Variants in GRK7 observed in about 807,000 individuals in gnomAD.
GRK7 encodes rhodopsin kinase GRK7.
In GRK7, 24 loss-of-function variants were observed where a neutral mutation model predicts 34.1. The observed-to-expected ratio is 0.70, with a 90% CI of 0.51 to 0.99. GRK7 has a LOEUF of 0.99. Ranked by LOEUF, GRK7 falls within the 50% of genes least tolerant of loss-of-function variation. GRK7 has a pLI of 0.00. For missense variants in GRK7, 644 were observed against 707.3 expected (o/e 0.91, Z 1.02); for synonymous variants, 256 against 279.4 (o/e 0.92, Z 0.84).
intron 1 of GRK7, among the ~76,000 whole-genome samples, chr3:141,770,320 A>C (rs772427309): frequency 6.6e-6 from 1 of 152,210 alleles, no homozygotes; most frequent in Non-Finnish European, 1.5e-5. Flanking sequence ...ATAATCACAG[A>C]GTTTATAAAA....
upstream of GRK7, among the ~76,000 whole-genome samples, chr3:141,763,289 A>G (rs1198985150): frequency 1.3e-5 from 2 of 151,202 alleles, no homozygotes; most frequent in South Asian, 2.1e-4. Context: ...TTGTGAGGGC[A>G]TAAGGCACCT....
At chr3:141,757,141 TTTTTTC>T in the GRK7 span, among the ~76,000 whole-genome samples, 1 of 126,328 alleles carries the variant, frequency 7.9e-6, no homozygotes. Flanking sequence ...TTTTTTTTTT[TTTTTTC>T]TTTTTTTTTT....
At chr3:141,785,624 C>T (rs2084692440) in intron 4 of GRK7, among the ~76,000 whole-genome samples, 1 of 152,036 alleles carries the variant, frequency 6.6e-6, no homozygotes, top group African/African-American at 2.4e-5. Context: ...ATTAGCCAGG[C>T]ATGGTGGTGG....
At chr3:141,773,564 T>G (rs2084626134) in intron 1 of GRK7, among the ~76,000 whole-genome samples, 1 of 152,152 alleles carries the variant, frequency 6.6e-6, no homozygotes, top group African/African-American at 2.4e-5. Context: ...CAGGCTGGAG[T>G]GCAGTGGCAC....
At chr3:141,757,156 T>A in the GRK7 span, among the ~76,000 whole-genome samples, 1 of 142,646 alleles carries the variant, frequency 7.0e-6, no homozygotes, top group Admixed American at 6.8e-5. Context: ...TCTTTTTTTT[T>A]TTTTTATTAT....
At chr3:141,807,038 G>T (rs1711043742) in intron 4 of GRK7, among the ~76,000 whole-genome samples, 1 of 152,038 alleles carries the variant, frequency 6.6e-6, no homozygotes, top group Admixed American at 6.5e-5. Flanking sequence ...ACATAGTCAT[G>T]CATGTGAAAT....
intron 4 of GRK7, among the ~76,000 whole-genome samples, chr3:141,804,967 CACAT>C (rs972855940): frequency 2.7e-5 from 4 of 149,942 alleles, no homozygotes; most frequent in African/African-American, 1.0e-4. Flanking sequence ...ACACCACACT[CACAT>C]ACACACACCC....
intron 4 of GRK7, among the ~76,000 whole-genome samples, chr3:141,801,898 T>C (rs75641399): frequency 1.3e-5 from 2 of 152,278 alleles, no homozygotes; most frequent in South Asian, 2.1e-4. Flanking sequence ...TAAAATACTT[T>C]TTTAAAAATA....
the GRK7 span, among the ~76,000 whole-genome samples, chr3:141,750,011 C>T: frequency 5.4e-5 from 8 of 147,852 alleles, no homozygotes; most frequent in South Asian, 2.1e-4. Context: ...AGCGAGACTC[C>T]GTCTCAAAAA....
At chr3:141,799,289 T>C (rs1241787687) in intron 4 of GRK7, among the ~76,000 whole-genome samples, 1 of 152,052 alleles carries the variant, frequency 6.6e-6, no homozygotes, top group Non-Finnish European at 1.5e-5. Context: ...TTCACCTACT[T>C]CTATAGAGGC....
chr3:141,767,476 A>C (rs1577909183), intron 1 of GRK7, among the ~76,000 whole-genome samples: 1 of 150,822 alleles, frequency 6.6e-6, no homozygotes, highest in Non-Finnish European at 1.5e-5. Context: ...ATCTCAGCTC[A>C]CTCCAGCCTC....
intron 4 of GRK7, among the ~76,000 whole-genome samples, chr3:141,791,935 C>T (rs1247074761): frequency 1.4e-5 from 2 of 140,818 alleles, no homozygotes; most frequent in Non-Finnish European, 1.5e-5. Context: ...ACCCGGGAGG[C>T]GGAGGTTGTA....
rs530757682 is a variant in GRK7, at chr3:141,817,302, T to C, written c.*252T>C. The C allele has an allele frequency of 5.1e-6, 2 of 392,892 alleles. No homozygotes were observed. The highest frequency in any genetic ancestry group is 3.9e-5 in the East Asian group (1 of 25,392). The allele number at this position is 392,892 out of a possible 1,614,324, so 24.3% of individuals were successfully genotyped here. A position where few individuals can be genotyped will look rare whatever the true frequency, so the allele number is the denominator to read the frequency against. ...AACACTCAGGTTTATTTTGATAAAC[T>C]GAAAGCATCAGCCTTTTACCATCAT... is the stretch of plus-strand genomic sequence containing the variant. On this transcript the variant is annotated 3_prime_UTR_variant, in exon 6 of 6. Transcript: ENST00000682958.
At chr3:141,793,584 G>A (rs572350530) in intron 4 of GRK7, among the ~76,000 whole-genome samples, 1 of 152,198 alleles carries the variant, frequency 6.6e-6, no homozygotes. Flanking sequence ...CTGGAGTTGG[G>A]ATGACTCTTC....
chr3:141,786,924 C>T (rs894474542), intron 4 of GRK7, among the ~76,000 whole-genome samples: 4 of 152,104 alleles, frequency 2.6e-5, no homozygotes, highest in African/African-American at 4.8e-5. Context: ...GCACAGAGGG[C>T]CTCTGTGCAC....
Position 141,807,679 on chromosome 3 carries a change from T to TA in GRK7, c.1087dup (p.Met363AsnfsTer21). 6.2e-7 allele frequency: 1 copy of TA among 1,614,168 alleles called. No homozygotes were observed. Among genetic ancestry groups the TA allele is most frequent in the African/African-American group, 1.3e-5 (1 of 75,072 alleles). On this transcript the variant is annotated frameshift_variant, in exon 5 of 6. Coordinates refer to ENST00000682958, the MANE Select transcript of GRK7 (RefSeq NM_139209.3). LOFTEE classifies it high-confidence loss of function. ...AATGGTTACATGGCTCCTGAGATCC[T>TA]AATGGAAAAGGTAAGTTATTCCTAT...
intron 4 of GRK7, among the ~76,000 whole-genome samples, chr3:141,788,426 A>G (rs976750888): frequency 6.6e-6 from 1 of 152,098 alleles, no homozygotes; most frequent in Admixed American, 6.5e-5. Flanking sequence ...GGCTCTAAAC[A>G]GAGCTCAGCC....
At chr3:141,787,959 G>A (rs114915853) in intron 4 of GRK7, among the ~76,000 whole-genome samples, 1,652 of 151,844 alleles carry the variant, frequency 0.011, 35 homozygotes, top group African/African-American at 0.036. Flanking sequence ...GCAGGTAGCC[G>A]TGATCACACC....
the GRK7 span, among the ~76,000 whole-genome samples, chr3:141,754,997 ATAAC>A: frequency 1.3e-5 from 2 of 152,248 alleles, no homozygotes; most frequent in Non-Finnish European, 2.9e-5. Flanking sequence ...ATCTCAAAAT[ATAAC>A]TACGTATGGA....
Sources: allele counts gnomAD v4.1 joint callset (sites outside exome capture counted in the v4.1 genomes callset), GRCh38; gene constraint gnomAD v4.1.1; transcripts MANE v1.5; gene names NCBI Gene and HGNC (gene_info 2026-07-23, HGNC 2026-07-21).